Variants in SCAF8 observed in about 807,000 individuals in gnomAD.
The protein encoded by SCAF8 is SR-related CTD associated factor 8.
SCAF8 carries 23 observed loss-of-function variants against 140.5 expected under a neutral mutation model. The ratio of observed to expected loss-of-function variants is 0.16; its 90% confidence interval spans 0.12 to 0.23. The LOEUF (loss-of-function observed/expected upper bound fraction) is 0.23, where lower values mean the gene tolerates loss of function less well. Among genes scored for constraint, SCAF8 ranks in the 10% least tolerant of loss-of-function variants. SCAF8 has a pLI of 1.00. For missense variants in SCAF8, 1,397 were observed against 1,555.7 expected (o/e 0.90, Z 1.72); for synonymous variants, 575 against 528.9 (o/e 1.09, Z -1.20).
chr6:154,752,026 A>T (rs559232919), intron 1 of SCAF8, among the ~76,000 whole-genome samples: 28 of 152,340 alleles, frequency 1.8e-4, no homozygotes, highest in African/African-American at 6.5e-4. Flanking sequence ...GAGTGTGGTT[A>T]TTCTTTAAGT....
intron 4 of SCAF8, among the ~76,000 whole-genome samples, chr6:154,792,280 C>G (rs1425074516): frequency 6.6e-6 from 1 of 152,098 alleles, no homozygotes; most frequent in African/African-American, 2.4e-5. Context: ...GCATTCATGG[C>G]AGGATGCTCA....
At chr6:154,827,026 C>G in intron 17 of SCAF8, 146 bp from the exon 18 acceptor site, 1 of 636,498 alleles carries the variant, frequency 1.6e-6, no homozygotes. Context: ...ATATAAAAGC[C>G]ATTTCTAAAA....
Position 154,832,823 on chromosome 6 carries a change from A to AGAG in SCAF8, c.3245_3247dup (p.Arg1082_Asp1083insGly), listed in dbSNP as rs1351696085. On this transcript the variant is annotated inframe_insertion, in exon 20 of 20. Coordinates refer to ENST00000367178, the MANE Select transcript of SCAF8 (RefSeq NM_014892.5). ...GCCAGGTATAGATCATCTTGGTCGA[A>AGAG]GAGACCACTTTGGCTTTAATCCAGA... 2 of 1,613,926 alleles carry AGAG rather than the reference A, an allele frequency of 1.2e-6. No homozygotes were observed. Among genetic ancestry groups the AGAG allele is most frequent in the African/African-American group, 2.7e-5 (2 of 74,886 alleles).
chr6:154,770,388 A>ACACACT (rs1384942827), intron 1 of SCAF8, among the ~76,000 whole-genome samples: 68 of 141,990 alleles, frequency 4.8e-4, no homozygotes, highest in African/African-American at 1.5e-3. Context: ...ACACACACAC[A>ACACACT]CTCTCTCTCT....
chr6:154,798,268 C>T (rs143278455), intron 6 of SCAF8, among the ~76,000 whole-genome samples: 40 of 151,546 alleles, frequency 2.6e-4, no homozygotes, highest in African/African-American at 9.4e-4. Flanking sequence ...AATACTTTGG[C>T]TTGAACAATT....
At chr6:154,819,406 A>G (rs1365713479) in intron 14 of SCAF8, among the ~76,000 whole-genome samples, 3 of 152,056 alleles carry the variant, frequency 2.0e-5, no homozygotes, top group Admixed American at 1.3e-4. Context: ...CCTGGACAAC[A>G]TGGCGAGACC....
chr6:154,743,216 A>G (rs1778616571), intron 1 of SCAF8, among the ~76,000 whole-genome samples: 1 of 152,222 alleles, frequency 6.6e-6, no homozygotes, highest in Non-Finnish European at 1.5e-5. Flanking sequence ...TTCAAAATAG[A>G]GACTGAACAG....
At chr6:154,814,498 T>TA (rs1778191023) in intron 12 of SCAF8, among the ~76,000 whole-genome samples, 1 of 152,136 alleles carries the variant, frequency 6.6e-6, no homozygotes, top group South Asian at 2.1e-4. Flanking sequence ...TAGAAGATGT[T>TA]AGAGTTCTGA....
chr6:154,830,819 G>C lies in SCAF8; in HGVS notation c.2141-103G>C. The C allele has an allele frequency of 3.9e-6, 3 of 765,444 alleles. No individual in the cohort carries two copies. The South Asian group carries it at 5.1e-5, about 13-fold the overall frequency. 47.4% of individuals were successfully genotyped at this position (765,444 alleles called of 1,614,324 possible). On this transcript the variant is annotated intron_variant, in intron 18 of 19. Coordinates refer to ENST00000367178, the MANE Select transcript of SCAF8 (RefSeq NM_014892.5). ...CATTGGTTATTATATAATGTGCTTA[G>C]TAATACAGAGATGCCATTAAATTAA...
At chr6:154,737,527 C>T (rs1326941371) in intron 1 of SCAF8, among the ~76,000 whole-genome samples, 2 of 152,002 alleles carry the variant, frequency 1.3e-5, no homozygotes, top group Non-Finnish European at 2.9e-5. Flanking sequence ...ACAACAACAA[C>T]AACACAAATT....
At chr6:154,821,063 C>A (rs1291541362) in intron 15 of SCAF8, among the ~76,000 whole-genome samples, 1 of 152,106 alleles carries the variant, frequency 6.6e-6, no homozygotes, top group Admixed American at 6.5e-5. Flanking sequence ...TTCCTCACCC[C>A]ACCCCGCCAA....
At chr6:154,797,633 A>T (rs181006895) in intron 6 of SCAF8, among the ~76,000 whole-genome samples, 1 of 151,300 alleles carries the variant, frequency 6.6e-6, no homozygotes, top group Admixed American at 6.6e-5. Flanking sequence ...TGACCTTGTG[A>T]TCTGCCCGCC....
intron 1 of SCAF8, among the ~76,000 whole-genome samples, chr6:154,761,601 G>A (rs1776404426): frequency 1.3e-5 from 2 of 152,176 alleles, no homozygotes; most frequent in African/African-American, 4.8e-5. Context: ...TGATCTGGGA[G>A]GATTCCCTCA....
rs1778015118 is a variant in SCAF8 at position 154,809,251 on chromosome 6, TAAAG to T, written c.1226+455_1226+458del. ...AACAGTTTTCTTTATGAGCTTAACT[TAAAG>T]ACATCAGTCTTTAACATTTTTGTAT... On this transcript the variant is annotated intron_variant, in intron 11 of 19. Coordinates refer to ENST00000367178, the MANE Select transcript of SCAF8 (RefSeq NM_014892.5). Among the ~76,000 whole-genome samples, 3 of 152,310 alleles carry T rather than the reference TAAAG, an allele frequency of 2.0e-5. No individual in the cohort carries two copies. The South Asian group carries it at 6.2e-4, about 32-fold the overall frequency.
At chr6:154,764,289 T>C (rs2114829353) in intron 1 of SCAF8, among the ~76,000 whole-genome samples, 1 of 151,824 alleles carries the variant, frequency 6.6e-6, no homozygotes, top group Non-Finnish European at 1.5e-5. Context: ...TTTTTTTTTT[T>C]TTGAGACGGA....
intron 1 of SCAF8, among the ~76,000 whole-genome samples, chr6:154,773,241 C>T (rs1265505652): frequency 6.6e-6 from 1 of 152,196 alleles, no homozygotes; most frequent in Non-Finnish European, 1.5e-5. Flanking sequence ...CCAGCTCTTT[C>T]AGCCCTAGAC....
chr6:154,796,802 T>C (rs1223842863), intron 6 of SCAF8, among the ~76,000 whole-genome samples: 2 of 152,068 alleles, frequency 1.3e-5, no homozygotes. Context: ...GTGAAACCTG[T>C]CTCTACTAAA....
At chr6:154,785,266 T>C (rs532070179) in intron 3 of SCAF8, among the ~76,000 whole-genome samples, 1 of 152,282 alleles carries the variant, frequency 6.6e-6, no homozygotes. Context: ...TGTTTTCTAG[T>C]TTTTGCAATT....
intron 4 of SCAF8, among the ~76,000 whole-genome samples, chr6:154,789,165 A>G (rs1314277910): frequency 2.6e-5 from 4 of 151,590 alleles, no homozygotes; most frequent in Non-Finnish European, 5.9e-5. Context: ...CTGGAGTGCA[A>G]TGGCATGATC....
Sources: gnomAD v4.1 joint callset for allele counts (sites outside exome capture counted in the v4.1 genomes callset) on GRCh38, gnomAD v4.1.1 for gene constraint, MANE v1.5 for transcripts, NCBI Gene and HGNC (gene_info 2026-07-23, HGNC 2026-07-21) for gene names.